The following PPP4R3B variants were observed in gnomAD, a reference collection of about 807,000 sequenced individuals.
PPP4R3B encodes the protein serine/threonine-protein phosphatase 4 regulatory subunit 3B.
Under a neutral mutation model 95.4 loss-of-function variants are expected in PPP4R3B, and 52 were observed. The ratio of observed to expected loss-of-function variants is 0.54; its 90% CI spans 0.44 to 0.69. The LOEUF (loss-of-function observed/expected upper bound fraction) is 0.69. Ranked by LOEUF, PPP4R3B falls within the 30% of genes least tolerant of loss-of-function variation. The pLI, the probability that PPP4R3B is intolerant of heterozygous loss-of-function variation, is 0.00. For synonymous variants in PPP4R3B, 407 were observed against 343.9 expected (o/e 1.18, Z -2.03); for missense variants, 1,003 against 1,005.9 (o/e 1.00, Z 0.04).
rs1244676269 is a variant in PPP4R3B, at chr2:55,598,736, T to G, written c.601A>C (p.Ile201Leu). ...LHHLYEIIRGILFLNKATLFE... is the reference protein window; with the variant it reads ...LHHLYEIIRGLLFLNKATLFE... ...AGAGTTGCCTTATTTAGGAATAAGA[T>G]TCCTCTAATAATTTCATACAAATGG... The change falls in exon 4 of 17, where the codon ATC (isoleucine) becomes CTC (leucine). Residue 201 changes from isoleucine (I) to leucine (L), a missense_variant. Coordinates refer to ENST00000616407, the MANE Select transcript of PPP4R3B (RefSeq NM_001122964.3). 7 of 1,614,230 alleles carry G rather than the reference T, an allele frequency of 4.3e-6. No homozygotes were observed. The East Asian group carries it at 1.6e-4, about 36-fold the overall frequency.
At chr2:55,578,540 C>T (rs1044951588) in intron 9 of PPP4R3B, among the ~76,000 whole-genome samples, 198 bp from the exon 10 acceptor site, 2 of 151,922 alleles carry the variant, frequency 1.3e-5, no homozygotes, top group Non-Finnish European at 2.9e-5. Flanking sequence ...ACCCATTCAC[C>T]TTGATATTTT....
intron 13 of PPP4R3B, among the ~76,000 whole-genome samples, chr2:55,566,170 A>C (rs1687272576): frequency 6.6e-6 from 1 of 152,214 alleles, no homozygotes; most frequent in African/African-American, 2.4e-5. Context: ...GATACACCAT[A>C]ATTTGGTTGC....
In PPP4R3B at chr2:55,617,354, G is replaced by C; in HGVS notation, c.-69C>G. The C allele has an allele frequency of 1.4e-6, 2 of 1,459,998 alleles. No homozygotes were observed. Among genetic ancestry groups the C allele is most frequent in the East Asian group, 2.5e-5 (1 of 39,842 alleles). 90.4% of individuals were successfully genotyped at this position (1,459,998 alleles called of 1,614,324 possible). A position where few individuals can be genotyped will look rare whatever the true frequency, so the allele number is the denominator to read the frequency against. On this transcript the variant is annotated 5_prime_UTR_variant, in exon 1 of 17. Transcript: ENST00000616407. ...ACCTCGTCCGCGCTCCTCACTCTTA[G>C]GAGACGGTAAAGGCAGTAGTGGCGG...
intron 16 of PPP4R3B, among the ~76,000 whole-genome samples, chr2:55,552,425 G>A (rs1685356449): frequency 6.6e-6 from 1 of 152,104 alleles, no homozygotes; most frequent in Non-Finnish European, 1.5e-5. Context: ...TAAGAGTCTT[G>A]CTCTGTCGCC....
chr2:55,581,260 A>G (rs1008894362), intron 8 of PPP4R3B, among the ~76,000 whole-genome samples: 1 of 152,162 alleles, frequency 6.6e-6, no homozygotes, highest in African/African-American at 2.4e-5. Context: ...TCAAAAAAAT[A>G]ATAATAATTT....
chr2:55,564,273 A>T, intron 15 of PPP4R3B, 40 bp downstream of exon 15: 2 of 1,533,772 alleles, frequency 1.3e-6, no homozygotes, highest in East Asian at 2.3e-5. Context: ...TCTGCACTAA[A>T]TAAGAGGGTA....
chr2:55,598,206 C>G (rs565623478), intron 4 of PPP4R3B, among the ~76,000 whole-genome samples: 108 of 152,160 alleles, frequency 7.1e-4, no homozygotes, highest in Non-Finnish European at 9.7e-4. Context: ...GGCGACAGAA[C>G]GAGACTCCGA....
At chr2:55,593,778 T>C (rs981005694) in intron 4 of PPP4R3B, among the ~76,000 whole-genome samples, 3 of 152,192 alleles carry the variant, frequency 2.0e-5, no homozygotes, top group South Asian at 2.1e-4. Flanking sequence ...CACAATCTTA[T>C]TTCTTTCCTT....
At chr2:55,559,616 C>A (rs745965237) in intron 15 of PPP4R3B, among the ~76,000 whole-genome samples, 4 of 152,112 alleles carry the variant, frequency 2.6e-5, no homozygotes, top group African/African-American at 7.2e-5. Context: ...GCACTTCCCC[C>A]CTTGCTCTCT....
chr2:55,611,315 CCA>C (rs756966784), intron 2 of PPP4R3B, among the ~76,000 whole-genome samples: 5 of 152,220 alleles, frequency 3.3e-5, no homozygotes, highest in Non-Finnish European at 7.3e-5. Flanking sequence ...GCACACGCCA[CCA>C]CACCTGGCTT....
At chr2:55,571,824 G>C (rs1420339927) in intron 12 of PPP4R3B, among the ~76,000 whole-genome samples, 1 of 152,062 alleles carries the variant, frequency 6.6e-6, no homozygotes, top group Admixed American at 6.6e-5. Flanking sequence ...CAGTTATATT[G>C]CCCAGGCTGC....
chr2:55,582,833 T>G (rs1689614516), intron 7 of PPP4R3B, among the ~76,000 whole-genome samples: 1 of 152,092 alleles, frequency 6.6e-6, no homozygotes, highest in South Asian at 2.1e-4. Context: ...CCTAACAAAA[T>G]AAGTAATTCA....
In PPP4R3B at chr2:55,568,304, T is replaced by C; in HGVS notation, c.1825A>G (p.Ile609Val). The C allele has an allele frequency of 1.2e-6, 2 of 1,609,544 alleles. No individual in the cohort carries two copies. Among genetic ancestry groups the C allele is most frequent in the East Asian group, 2.2e-5 (1 of 44,698 alleles). Residue 609 changes from isoleucine to valine, a missense_variant, in exon 13 of 17, where the codon ATC (isoleucine) becomes GTC (valine). Physicochemically the swap from Ile to Val is conservative, Grantham distance 29. Around this residue, in one of 3 missense-constraint regions of PPP4R3B, gnomAD observed 79 missense variants for 124.9 expected, o/e 0.63. Transcript: ENST00000616407. ...GGCTCAAAAAGATTTCCCTTGGTGA[T>C]GTAACGATTATAAAATTCATCTTTA... ...GLKDEFYNRY[I>V]TKGNLFEPVI...
chr2:55,598,835 T>C lies in PPP4R3B; in HGVS notation c.502A>G (p.Asn168Asp), dbSNP rs1239321771. The C allele has an allele frequency of 6.2e-7, 1 of 1,614,106 alleles. No individual in the cohort carries two copies. Among genetic ancestry groups the C allele is most frequent in the African/African-American group, 1.3e-5 (1 of 74,938 alleles). Reference sequence around the variant, plus strand: ...AATAGTTTTTTAATATAGCCTTCATTTTCCAAGGCGAGAGCCAGCTTTTCC... The same window carrying C: ...AATAGTTTTTTAATATAGCCTTCATCTTCCAAGGCGAGAGCCAGCTTTTCC... ...RREKLALALE[N>D]EGYIKKLLQL... The change falls in exon 4 of 17, where the codon AAT becomes GAT. Residue 168 changes from asparagine to aspartate, a missense_variant. Physicochemically the swap from Asn to Asp is conservative, Grantham distance 23 (BLOSUM62 1). This residue lies in a region of PPP4R3B where 695 missense variants were observed against 686.2 expected (regional missense o/e 1.01). Coordinates refer to ENST00000616407, the MANE Select transcript of PPP4R3B (RefSeq NM_001122964.3).
intron 2 of PPP4R3B, among the ~76,000 whole-genome samples, chr2:55,610,176 G>C (rs1441537356): frequency 1.3e-5 from 2 of 151,880 alleles, no homozygotes; most frequent in African/African-American, 2.4e-5. Flanking sequence ...AAATATACTG[G>C]AGCTCTGTTC....
rs946584342 is a variant in PPP4R3B, at chr2:55,616,996, T to G, written c.142+148A>C. 4 of 803,428 alleles carry G rather than the reference T, an allele frequency of 5.0e-6. No individual in the cohort carries two copies. In the East Asian group the frequency reaches 1.1e-4, roughly 21 times the overall value. 49.8% of individuals were successfully genotyped at this position (803,428 alleles called of 1,614,324 possible). A position where few individuals can be genotyped will look rare whatever the true frequency, so the allele number is the denominator to read the frequency against. On this transcript the variant is annotated intron_variant, in intron 1 of 16. Transcript: ENST00000616407. The stretch of plus-strand genomic sequence containing the variant: ...AGGATAAGTCCAGTCAAAAGTACAG[T>G]ACTTTGTTTTTGCCGTACACAAGAG...
chr2:55,580,189 T>C (rs1347202162), intron 8 of PPP4R3B, among the ~76,000 whole-genome samples: 1 of 152,124 alleles, frequency 6.6e-6, no homozygotes, highest in African/African-American at 2.4e-5. Flanking sequence ...ACATATATAA[T>C]AACAACATAT....
At chr2:55,564,793 C>T in intron 14 of PPP4R3B, 109 bp downstream of exon 14, 1 of 1,313,024 alleles carries the variant, frequency 7.6e-7, no homozygotes, top group Non-Finnish European at 1.1e-6. Context: ...TCTATGCTAT[C>T]CAGTGATGGA....
chr2:55,586,488 A>G (rs1690167138), intron 6 of PPP4R3B, 130 bp downstream of exon 6: 2 of 536,998 alleles, frequency 3.7e-6, no homozygotes, highest in Admixed American at 3.1e-5. Context: ...AACTGAAGAT[A>G]TTCTTGTAAT....
Sources: allele counts gnomAD v4.1 joint callset (sites outside exome capture counted in the v4.1 genomes callset), GRCh38; gene constraint gnomAD v4.1.1; regional missense constraint gnomAD v4.1.1; transcripts MANE v1.5; gene names NCBI Gene and HGNC (gene_info 2026-07-23, HGNC 2026-07-21).